Variants in UBE2O observed in about 807,000 individuals in gnomAD.
The protein encoded by UBE2O is ubiquitin conjugating enzyme E2 O.
A neutral mutation model predicts 125.8 loss-of-function variants in UBE2O; 15 were observed. That is an observed-to-expected ratio of 0.12 (90% confidence interval 0.08 to 0.18). UBE2O has a LOEUF of 0.18. UBE2O is among the 10% of genes least tolerant of loss of function. The probability of loss-of-function intolerance (pLI) is 1.00; values close to 1 mark genes in which losing one functional copy is unlikely to be tolerated. For missense variants in UBE2O, 1,280 were observed against 1,723.6 expected (o/e 0.74, Z 4.56); for synonymous variants, 708 against 703.2 (o/e 1.01, Z -0.11).
At chr17:76,403,723 T>TA (rs1054953556) in intron 3 of UBE2O, among the ~76,000 whole-genome samples, 3 of 152,176 alleles carry the variant, frequency 2.0e-5, no homozygotes, top group Admixed American at 6.6e-5. Context: ...TCTTGGGTTT[T>TA]AAAAATACCA....
intron 1 of UBE2O, among the ~76,000 whole-genome samples, chr17:76,435,018 G>T (rs1389114759): frequency 6.6e-6 from 1 of 152,058 alleles, no homozygotes; most frequent in Non-Finnish European, 1.5e-5. Context: ...CACTAGGCTG[G>T]ATTTAGCCCA....
chr17:76,396,586 G>C lies in UBE2O; in HGVS notation c.2351C>G (p.Ala784Gly), dbSNP rs2143685792. 1 of 1,607,244 alleles carries C rather than the reference G, an allele frequency of 6.2e-7. No individual in the cohort carries two copies. Among genetic ancestry groups the C allele is most frequent in the African/African-American group, 1.3e-5 (1 of 74,590 alleles). The change falls in exon 14 of 18, where the codon GCC becomes GGC. Residue 784 changes from alanine (A) to glycine (G), a missense_variant. This residue lies in a region of UBE2O where 210 missense variants were observed against 268.9 expected (regional missense o/e 0.78). Transcript: ENST00000319380. The surrounding 1 kb of genome is among the most constrained non-coding windows in gnomAD (Gnocchi z 6.7). ...VVISEEAATA[A>G]VQGAVAMAAP... ...AGCCATGGCCACAGCCCCCTGGACGGCAGCTGTGGCTGCCTCTTCACTGAT... is the reference window on the plus strand; with the variant it reads ...AGCCATGGCCACAGCCCCCTGGACGCCAGCTGTGGCTGCCTCTTCACTGAT...
chr17:76,433,645 C>G (rs896434537), intron 1 of UBE2O, among the ~76,000 whole-genome samples: 11 of 151,158 alleles, frequency 7.3e-5, no homozygotes, highest in African/African-American at 2.7e-4. Flanking sequence ...ATCGCTTGAA[C>G]CCAGGAGGTG....
intron 1 of UBE2O, among the ~76,000 whole-genome samples, chr17:76,429,321 C>CA (rs1315876702): frequency 6.6e-6 from 1 of 151,626 alleles, no homozygotes. Flanking sequence ...GTGGGCAGAT[C>CA]ACTTGAGCTC....
At chr17:76,441,061 G>A (rs998105989) in intron 1 of UBE2O, among the ~76,000 whole-genome samples, 5 of 152,162 alleles carry the variant, frequency 3.3e-5, no homozygotes, top group African/African-American at 1.2e-4. Context: ...TTGCTATGTG[G>A]CCTTGGTGAG....
Position 76,400,997 on chromosome 17 carries a change from G to T in UBE2O, c.894+14C>A, listed in dbSNP as rs748646026. The T allele has an allele frequency of 5.6e-6, 9 of 1,613,320 alleles. No individual in the cohort carries two copies. The highest frequency in any genetic ancestry group is 2.2e-5 in the East Asian group (1 of 44,884). On this transcript the variant is annotated intron_variant, in intron 6 of 17. Transcript: ENST00000319380. The surrounding 1 kb of genome is among the most constrained non-coding windows in gnomAD (Gnocchi z 4.3). ...GTCAAGGACTCCATCTCCTACCCTT[G>T]GGCCCGGACCCACCTCTTCCACCAC...
At position 76,402,238 on chromosome 17, in the gene UBE2O, T is replaced by C; in HGVS notation, c.687-111A>G. 3.1e-6 allele frequency: 3 copies of C among 969,870 alleles called. No individual in the cohort carries two copies. Among genetic ancestry groups the C allele is most frequent in the Non-Finnish European group, 4.7e-6 (3 of 639,342 alleles). The allele number at this position is 969,870 out of a possible 1,614,324, so 60.1% of individuals were successfully genotyped here. A position where few individuals can be genotyped will look rare whatever the true frequency, so the allele number is the denominator to read the frequency against. Reference sequence around the variant, plus strand: ...CATGCCCTAAATAGCACAATTCGTCTTCTACCATCAACTCAGCCCGAGGTA... The same window carrying C: ...CATGCCCTAAATAGCACAATTCGTCCTCTACCATCAACTCAGCCCGAGGTA... On this transcript the variant is annotated intron_variant, in intron 4 of 17. Transcript: ENST00000319380. This position sits in a 1 kb window ranked among gnomAD's most constrained non-coding sequence, Gnocchi z 5.4.
At chr17:76,451,441 T>G (rs892461032) in intron 1 of UBE2O, among the ~76,000 whole-genome samples, 3 of 152,222 alleles carry the variant, frequency 2.0e-5, no homozygotes, top group African/African-American at 7.2e-5. Context: ...TGTCTGTGGA[T>G]GTATGTGCAT....
chr17:76,391,069 G>A lies in UBE2O; in HGVS notation c.3753C>T (p.Tyr1251=). The part of the protein sequence containing the change: ...YRSFLPEKSG[Y]PDIGFPLFPL... Reference sequence around the variant, plus strand: ...GGAAGAGGGGGAAGCCGATGTCAGGGTAGCCACTCTTCTCAGGTAAGAAGC... The same window carrying A: ...GGAAGAGGGGGAAGCCGATGTCAGGATAGCCACTCTTCTCAGGTAAGAAGC... Residue 1251 remains tyrosine (Y), a synonymous_variant, in exon 18 of 18, where the codon TAC becomes TAT. Transcript: ENST00000319380. This position sits in a 1 kb window ranked among gnomAD's most constrained non-coding sequence, Gnocchi z 8.4. 1.2e-6 allele frequency: 2 copies of A among 1,612,774 alleles called. No individual in the cohort carries two copies. The highest frequency in any genetic ancestry group is 1.7e-6 in the Non-Finnish European group (2 of 1,179,794).
intron 1 of UBE2O, among the ~76,000 whole-genome samples, chr17:76,409,367 G>T (rs2072479034): frequency 6.6e-6 from 1 of 152,006 alleles, no homozygotes; most frequent in Admixed American, 6.6e-5. Flanking sequence ...TAAGCCAGAA[G>T]GGGTGGTGGC....
intron 1 of UBE2O, among the ~76,000 whole-genome samples, chr17:76,426,405 T>C (rs181592417): frequency 5.9e-5 from 9 of 152,366 alleles, no homozygotes; most frequent in Admixed American, 5.9e-4. Flanking sequence ...AGTACCTGTC[T>C]TAACTGGCAC....
At position 76,405,474 on chromosome 17, in the gene UBE2O, C is replaced by T. The variant is rs763659418; in HGVS notation, c.477+39G>A. The T allele has an allele frequency of 1.9e-6, 3 of 1,574,300 alleles. No homozygotes were observed. Among genetic ancestry groups the T allele is most frequent in the East Asian group, 2.3e-5 (1 of 44,070 alleles). On this transcript the variant is annotated intron_variant, in intron 2 of 17. Coordinates refer to ENST00000319380, the MANE Select transcript of UBE2O (RefSeq NM_022066.4). The surrounding 1 kb of genome is among the most constrained non-coding windows in gnomAD (Gnocchi z 6.1). ...CAGGCTCAAGTCCCTAAGGTGGCTG[C>T]CCCCAGGCCCGGGGCTGGGGTGGGG...
chr17:76,393,909 C>T (rs563142675), intron 15 of UBE2O, among the ~76,000 whole-genome samples: 5 of 152,324 alleles, frequency 3.3e-5, no homozygotes, highest in South Asian at 4.1e-4. Flanking sequence ...ATCGGTGCCA[C>T]CCTGGGAGCC....
Position 76,399,078 on chromosome 17 carries a change from T to C in UBE2O, c.1629-87A>G. On this transcript the variant is annotated intron_variant, in intron 9 of 17. Coordinates refer to ENST00000319380, the MANE Select transcript of UBE2O (RefSeq NM_022066.4). The surrounding 1 kb of genome is among the most constrained non-coding windows in gnomAD (Gnocchi z 6.9). ...GAGTCTTTCTGTCCCTTCCTGTCCCTGTGGGCTTGGTAACCTGAAACTCTG... is the reference window on the plus strand; with the variant it reads ...GAGTCTTTCTGTCCCTTCCTGTCCCCGTGGGCTTGGTAACCTGAAACTCTG... The C allele has an allele frequency of 6.6e-7, 1 of 1,504,762 alleles. No homozygotes were observed. The highest frequency in any genetic ancestry group is 1.3e-5 in the South Asian group (1 of 78,272). 93.2% of individuals were successfully genotyped at this position (1,504,762 alleles called of 1,614,324 possible).
chr17:76,392,165 T>G (rs1285658098), intron 15 of UBE2O, 52 bp from the exon 16 acceptor site: 27 of 1,143,428 alleles, frequency 2.4e-5, no homozygotes, highest in African/African-American at 3.1e-5. Flanking sequence ...TGGAAGGGGG[T>G]GTCCTACATG....
intron 15 of UBE2O, among the ~76,000 whole-genome samples, chr17:76,393,057 A>T (rs188342589): frequency 2.6e-5 from 4 of 152,028 alleles, no homozygotes; most frequent in Admixed American, 1.3e-4. Context: ...CCAGGAGGTC[A>T]AAACCAACCT....
intron 5 of UBE2O, 29 bp from the exon 6 acceptor site, chr17:76,401,183 C>A (rs1269986649): frequency 6.2e-7 from 1 of 1,610,354 alleles, no homozygotes; most frequent in East Asian, 2.2e-5. Context: ...AAGGAAAGTC[C>A]CCGTGAGCGG....
At chr17:76,440,298 A>G (rs1370963906) in intron 1 of UBE2O, among the ~76,000 whole-genome samples, 1 of 152,242 alleles carries the variant, frequency 6.6e-6, no homozygotes, top group Non-Finnish European at 1.5e-5. Flanking sequence ...TGGGTTAAGT[A>G]AAATATATTA....
rs937137524 is a variant in UBE2O at position 76,395,915 on chromosome 17, T to C, written c.2810-54A>G. 9 of 1,609,730 alleles carry C rather than the reference T, an allele frequency of 5.6e-6. No individual in the cohort carries two copies. In the Middle Eastern group the frequency reaches 5.0e-4, roughly 89 times the overall value. Reference sequence around the variant, plus strand: ...CTCATGGAGAGGCCCTGGAGCTCCATCTGCCAACCTGGCTGGACAGGTGAG... The same window carrying C: ...CTCATGGAGAGGCCCTGGAGCTCCACCTGCCAACCTGGCTGGACAGGTGAG... On this transcript the variant is annotated intron_variant, in intron 14 of 17. Coordinates refer to ENST00000319380, the MANE Select transcript of UBE2O (RefSeq NM_022066.4). This position sits in a 1 kb window ranked among gnomAD's most constrained non-coding sequence, Gnocchi z 5.0.
Sources: gnomAD v4.1 joint callset for allele counts (sites outside exome capture counted in the v4.1 genomes callset) on GRCh38, gnomAD v4.1.1 for gene constraint, gnomAD v4.1.1 regional missense constraint, Gnocchi (gnomAD v3.1) non-coding constraint, MANE v1.5 for transcripts, NCBI Gene and HGNC (gene_info 2026-07-23, HGNC 2026-07-21) for gene names.